CDIN1: variants seen among roughly 807,000 people sequenced by gnomAD.
The protein encoded by CDIN1 is CDAN1 interacting nuclease 1, also known as CDAN1-interacting nuclease 1.
A neutral mutation model predicts 45.3 loss-of-function variants in CDIN1; 33 were observed. That is an observed-to-expected ratio of 0.73 (90% CI 0.55 to 0.97). CDIN1 has a LOEUF of 0.97. Among genes scored for constraint, CDIN1 ranks in the 50% least tolerant of loss-of-function variants. The pLI, the probability that CDIN1 is intolerant of heterozygous loss-of-function variation, is 0.00. For synonymous variants in CDIN1, 118 were observed against 124.4 expected, an observed-to-expected ratio of 0.95 and a Z score of 0.34; for missense variants, 303 against 339.4, an observed-to-expected ratio of 0.89 and a Z score of 0.84.
intron 8 of CDIN1, among the ~76,000 whole-genome samples, chr15:36,699,499 T>C (rs1468379603): frequency 6.6e-6 from 1 of 152,172 alleles, no homozygotes; most frequent in African/African-American, 2.4e-5. Flanking sequence ...TTTATTTTGA[T>C]CCTTTGCTAA....
intron 1 of CDIN1, among the ~76,000 whole-genome samples, chr15:36,607,986 G>T (rs1008918119): frequency 6.6e-6 from 1 of 152,134 alleles, no homozygotes; most frequent in Non-Finnish European, 1.5e-5. Flanking sequence ...TTAACGTAGC[G>T]TAATGTTTTT....
intron 7 of CDIN1, among the ~76,000 whole-genome samples, chr15:36,696,207 T>C (rs1230390841): frequency 6.6e-6 from 1 of 152,162 alleles, no homozygotes; most frequent in African/African-American, 2.4e-5. Context: ...AAATATATAT[T>C]CATATGTATA....
chr15:36,601,125 G>A (rs1250405257), intron 1 of CDIN1, among the ~76,000 whole-genome samples: 2 of 152,060 alleles, frequency 1.3e-5, no homozygotes, highest in East Asian at 1.9e-4. Context: ...ATTGTGCAGT[G>A]CTAACATTCT....
chr15:36,580,258 T>C lies in CDIN1; in HGVS notation c.101+297T>C, dbSNP rs1326969331. Among the ~76,000 whole-genome samples, 4 of 152,196 alleles carry C rather than the reference T, an allele frequency of 2.6e-5. No individual in the cohort carries two copies. The East Asian group carries it at 7.7e-4, about 29-fold the overall frequency. ...ATGGGTGAACATAGTAGGTGCTTCA[T>C]AAATGACCAGAGGTTAATTGACAGA... On this transcript the variant is annotated intron_variant, in intron 1 of 10. Transcript: ENST00000566621.
intron 8 of CDIN1, among the ~76,000 whole-genome samples, chr15:36,703,313 G>T (rs1193243929): frequency 8.0e-6 from 1 of 124,858 alleles, no homozygotes; most frequent in Non-Finnish European, 1.6e-5. Flanking sequence ...AGATCTATCA[G>T]ATATATACAT....
At chr15:36,688,122 C>T (rs909595384) in intron 5 of CDIN1, among the ~76,000 whole-genome samples, 5 of 150,758 alleles carry the variant, frequency 3.3e-5, no homozygotes, top group Admixed American at 1.3e-4. Flanking sequence ...AAAGTGGGAA[C>T]GAGGAAATAA....
intron 10 of CDIN1, among the ~76,000 whole-genome samples, chr15:36,787,933 T>C (rs1595598691): frequency 2.0e-5 from 3 of 150,580 alleles, no homozygotes; most frequent in Admixed American, 2.0e-4. Context: ...TATTCATACT[T>C]TAAATGATGT....
chr15:36,653,998 C>G, intron 3 of CDIN1, 100 bp from the exon 4 acceptor site: 1 of 827,150 alleles, frequency 1.2e-6, no homozygotes, highest in South Asian at 1.7e-5. Flanking sequence ...TTGAGCGTGG[C>G]ATTTGTCCAG....
intron 1 of CDIN1, among the ~76,000 whole-genome samples, chr15:36,592,342 A>G (rs1352667074): frequency 6.6e-6 from 1 of 152,156 alleles, no homozygotes; most frequent in Non-Finnish European, 1.5e-5. Context: ...CACCACAGAA[A>G]TTGGCAAATG....
At chr15:36,618,652 TG>T (rs2098861752) in intron 1 of CDIN1, 1 of 819,518 alleles carries the variant, frequency 1.2e-6, no homozygotes. Flanking sequence ...GAGAGTTAGT[TG>T]CCCAGTGCCT....
intron 1 of CDIN1, among the ~76,000 whole-genome samples, chr15:36,625,100 AC>A (rs2039360107): frequency 6.6e-6 from 1 of 151,966 alleles, no homozygotes; most frequent in Non-Finnish European, 1.5e-5. Flanking sequence ...ACACAGTGAA[AC>A]CCCGTCTCTA....
At chr15:36,711,928 A>T (rs761152574) in intron 10 of CDIN1, among the ~76,000 whole-genome samples, 1 of 152,310 alleles carries the variant, frequency 6.6e-6, no homozygotes, top group Admixed American at 6.5e-5. Context: ...GAGTATTTTG[A>T]CAGAAGGAGA....
At chr15:36,680,368 A>C (rs1345918411) in intron 5 of CDIN1, among the ~76,000 whole-genome samples, 1 of 152,220 alleles carries the variant, frequency 6.6e-6, no homozygotes, top group Non-Finnish European at 1.5e-5. Context: ...AAAGTAAATA[A>C]GTATTCCCCT....
intron 7 of CDIN1, among the ~76,000 whole-genome samples, chr15:36,693,489 C>T (rs2042320149): frequency 6.6e-6 from 1 of 152,172 alleles, no homozygotes; most frequent in Non-Finnish European, 1.5e-5. Flanking sequence ...TATCAACTAA[C>T]ACCATCTCAG....
At chr15:36,719,701 A>G (rs562515760) in intron 10 of CDIN1, among the ~76,000 whole-genome samples, 1 of 152,092 alleles carries the variant, frequency 6.6e-6, no homozygotes, top group African/African-American at 2.4e-5. Flanking sequence ...AATTGCTATT[A>G]TTTCTTCCTT....
intron 1 of CDIN1, among the ~76,000 whole-genome samples, chr15:36,592,078 AT>A (rs35313314): frequency 0.57 from 86,082 of 150,710 alleles, 24,899 homozygotes; most frequent in Middle Eastern, 0.68. Context: ...TCTAGATCTG[AT>A]TTTTTTTTTT....
At chr15:36,620,278 G>T (rs1206223332) in intron 1 of CDIN1, among the ~76,000 whole-genome samples, 1 of 152,092 alleles carries the variant, frequency 6.6e-6, no homozygotes, top group East Asian at 1.9e-4. Flanking sequence ...GTGACACCGG[G>T]GGGCGGAGCT....
At chr15:36,789,172 C>G (rs538657430) in intron 10 of CDIN1, among the ~76,000 whole-genome samples, 37 of 152,328 alleles carry the variant, frequency 2.4e-4, no homozygotes, top group African/African-American at 8.7e-4. Context: ...CAAGCTTGCT[C>G]TAGACTGACT....
intron 5 of CDIN1, among the ~76,000 whole-genome samples, chr15:36,684,135 G>A (rs1426076564): frequency 3.3e-5 from 5 of 151,274 alleles, no homozygotes; most frequent in African/African-American, 4.8e-5. Context: ...GTGAGAGAGG[G>A]CATCCCTGTC....
Sources: gnomAD v4.1 joint callset for allele counts (sites outside exome capture counted in the v4.1 genomes callset) on GRCh38, gnomAD v4.1.1 for gene constraint, MANE v1.5 for transcripts, NCBI Gene and HGNC (gene_info 2026-07-23, HGNC 2026-07-21) for gene names.